The following PSD3 variants were observed in gnomAD, a reference collection of about 807,000 sequenced individuals.
PSD3 encodes PH and SEC7 domain-containing protein 3.
PSD3 carries 49 observed loss-of-function variants against 105.5 expected under a neutral mutation model. The observed-to-expected ratio is 0.46, with a 90% CI of 0.37 to 0.59. The LOEUF (loss-of-function observed/expected upper bound fraction) is 0.59, where lower values mean the gene tolerates loss of function less well. PSD3 is among the 20% of genes least tolerant of loss of function. The pLI, the probability that PSD3 is intolerant of heterozygous loss-of-function variation, is 0.00. For missense variants in PSD3, 1,561 were observed against 1,263.8 expected (o/e 1.24, Z -3.57); for synonymous variants, 557 against 457.8 (o/e 1.22, Z -2.77).
At chr8:18,754,347 G>GT (rs1805852714) in intron 9 of PSD3, among the ~76,000 whole-genome samples, 1 of 152,136 alleles carries the variant, frequency 6.6e-6, no homozygotes, top group Non-Finnish European at 1.5e-5. Flanking sequence ...TCACGCCACT[G>GT]CATTCCAGCC....
At chr8:18,612,381 T>A (rs920239924) in intron 11 of PSD3, among the ~76,000 whole-genome samples, 1 of 152,130 alleles carries the variant, frequency 6.6e-6, no homozygotes, top group Non-Finnish European at 1.5e-5. Context: ...ATGCATTTTT[T>A]TTTTTCTTTT....
intron 15 of PSD3, among the ~76,000 whole-genome samples, 167 bp downstream of exon 15, chr8:18,556,042 G>A (rs1275168388): frequency 1.3e-5 from 2 of 152,162 alleles, no homozygotes; most frequent in African/African-American, 4.8e-5. Flanking sequence ...CACTTAAACA[G>A]AATCACAAAC....
In PSD3 at chr8:18,790,560, CCA is replaced by C. The variant is rs921297731; in HGVS notation, c.2082+8733_2082+8734del. 5.3e-5 allele frequency among the ~76,000 whole-genome samples: 8 copies of C among 152,048 alleles called. 1 individual carries two copies. Among genetic ancestry groups the C allele is most frequent in the Admixed American group, 5.2e-4 (8 of 15,258 alleles). ...CTCGTGATCTGCCCACCTTGGCCTC[CCA>C]AAGTGCTGGGATTACAGGCGTGAGC... is the stretch of plus-strand genomic sequence containing the variant. On this transcript the variant is annotated intron_variant, in intron 8 of 15. Transcript: ENST00000327040.
intron 8 of PSD3, among the ~76,000 whole-genome samples, chr8:18,768,497 C>CT (rs1321446077): frequency 7.9e-5 from 12 of 151,828 alleles, no homozygotes; most frequent in Admixed American, 4.6e-4. Flanking sequence ...ACTCTGGAGG[C>CT]TGAGGGGCAA....
At chr8:19,050,484 C>T (rs897610671) in intron 1 of PSD3, among the ~76,000 whole-genome samples, 6 of 152,190 alleles carry the variant, frequency 3.9e-5, no homozygotes, top group African/African-American at 1.2e-4. Context: ...GGCACATATA[C>T]ACCATGGAAT....
rs1316318247 is a variant in PSD3, at chr8:18,529,229, C to A, written c.*6514G>T. On this transcript the variant is annotated 3_prime_UTR_variant, in exon 16 of 16. Transcript: ENST00000327040. ...CACAAGAAAGAATGTGATATGGATC[C>A]CCTCATTTATGTGTTAAAAATATAA... The A allele has an allele frequency of 6.6e-6, 1 of 152,118 alleles. No individual in the cohort carries two copies. The highest frequency in any genetic ancestry group is 1.5e-5 in the Non-Finnish European group (1 of 68,024). 9.4% of individuals were successfully genotyped at this position (152,118 alleles called of 1,614,324 possible). A position where few individuals can be genotyped will look rare whatever the true frequency, so the allele number is the denominator to read the frequency against.
At chr8:18,851,187 T>G (rs1175138691) in intron 4 of PSD3, among the ~76,000 whole-genome samples, 1 of 152,248 alleles carries the variant, frequency 6.6e-6, no homozygotes, top group African/African-American at 2.4e-5. Context: ...CATAGTTATT[T>G]TGTTTCATCC....
chr8:18,611,344 T>G (rs753036654), intron 11 of PSD3, among the ~76,000 whole-genome samples: 7 of 152,164 alleles, frequency 4.6e-5, no homozygotes, highest in Non-Finnish European at 8.8e-5. Context: ...GATCCCAATT[T>G]TGGAAGTCTC....
At chr8:18,548,747 T>C (rs1205106657) in intron 15 of PSD3, among the ~76,000 whole-genome samples, 1 of 152,098 alleles carries the variant, frequency 6.6e-6, no homozygotes, top group Non-Finnish European at 1.5e-5. Flanking sequence ...CATTGGGAGC[T>C]GGCTTGGGGT....
chr8:18,859,852 A>G (rs1816304921), intron 4 of PSD3, among the ~76,000 whole-genome samples: 1 of 152,192 alleles, frequency 6.6e-6, no homozygotes, highest in Admixed American at 6.5e-5. Flanking sequence ...AGACCATTAA[A>G]ACTTTCTCTA....
intron 8 of PSD3, among the ~76,000 whole-genome samples, chr8:18,796,970 C>T (rs60746929): frequency 0.33 from 49,951 of 151,536 alleles, 8,402 homozygotes; most frequent in African/African-American, 0.37. Context: ...GCCATGCTGA[C>T]AAGTCAAACA....
At chr8:18,681,681 T>G (rs1005599138) in intron 9 of PSD3, among the ~76,000 whole-genome samples, 2 of 152,098 alleles carry the variant, frequency 1.3e-5, no homozygotes, top group African/African-American at 4.8e-5. Flanking sequence ...TTATTCAGTT[T>G]ATTTCATTTA....
At chr8:18,822,077 C>T (rs976582258) in intron 4 of PSD3, among the ~76,000 whole-genome samples, 8 of 152,202 alleles carry the variant, frequency 5.3e-5, no homozygotes, top group East Asian at 1.9e-4. Flanking sequence ...CTTTGTTTCA[C>T]CACCTTGATA....
chr8:18,745,001 G>C (rs1804891471), intron 9 of PSD3, among the ~76,000 whole-genome samples: 1 of 152,156 alleles, frequency 6.6e-6, no homozygotes, highest in Admixed American at 6.5e-5. Context: ...ATGAAGTTAG[G>C]CATTTTGGGA....
rs556094245 is a variant in PSD3, at chr8:18,758,674, T to A, written c.2172+6775A>T. On this transcript the variant is annotated intron_variant, in intron 9 of 15. Coordinates refer to ENST00000327040, the MANE Select transcript of PSD3 (RefSeq NM_015310.4). The stretch of plus-strand genomic sequence containing the variant: ...GATGCATTAATCTTTATTTAAAATG[T>A]GTTTTATCTTTGCTGATCTTTTGAG... 5.3e-5 allele frequency among the ~76,000 whole-genome samples: 8 copies of A among 152,318 alleles called. No homozygotes were observed. In the South Asian group the frequency reaches 1.7e-3, roughly 32 times the overall value.
chr8:18,587,958 C>T (rs1488923), intron 12 of PSD3, among the ~76,000 whole-genome samples: 4 of 152,004 alleles, frequency 2.6e-5, no homozygotes, highest in Non-Finnish European at 4.4e-5. Flanking sequence ...ACCAGGGGGA[C>T]GGATTAACCA....
At chr8:18,751,030 C>A (rs1254725399) in intron 9 of PSD3, among the ~76,000 whole-genome samples, 2 of 152,142 alleles carry the variant, frequency 1.3e-5, no homozygotes, top group African/African-American at 4.8e-5. Flanking sequence ...GCCAGTCCTG[C>A]GCGATGCGCT....
intron 1 of PSD3, among the ~76,000 whole-genome samples, chr8:18,948,434 G>C (rs940004009): frequency 9.2e-5 from 14 of 152,048 alleles, no homozygotes; most frequent in African/African-American, 3.4e-4. Context: ...GCATAATCAG[G>C]ATCCCTATGA....
chr8:18,818,413 C>T (rs921555411), intron 4 of PSD3, among the ~76,000 whole-genome samples: 4 of 152,082 alleles, frequency 2.6e-5, no homozygotes, highest in African/African-American at 9.6e-5. Context: ...CACACTAGCG[C>T]CTCCTAGAAC....
Sources: gnomAD v4.1 joint callset for allele counts (sites outside exome capture counted in the v4.1 genomes callset) on GRCh38, gnomAD v4.1.1 for gene constraint, MANE v1.5 for transcripts, NCBI Gene and HGNC (gene_info 2026-07-23, HGNC 2026-07-21) for gene names.